The following HIBADH variants were observed in gnomAD, a reference collection of about 807,000 sequenced individuals.
HIBADH encodes 3-hydroxyisobutyrate dehydrogenase, mitochondrial.
In HIBADH, 25 loss-of-function variants were observed where a neutral mutation model predicts 36.1. The observed-to-expected ratio is 0.69, with a 90% CI of 0.50 to 0.97. The LOEUF is 0.97. HIBADH is among the 50% of genes least tolerant of loss of function. The probability of loss-of-function intolerance (pLI) is 0.00; values close to 1 mark genes in which losing one functional copy is unlikely to be tolerated. For synonymous variants in HIBADH, 160 were observed against 149.5 expected (o/e 1.07, Z -0.51); for missense variants, 421 against 418.0 (o/e 1.01, Z -0.06).
chr7:27,659,922 G>A (rs1008984318), intron 1 of HIBADH, among the ~76,000 whole-genome samples: 2 of 152,066 alleles, frequency 1.3e-5, no homozygotes, highest in African/African-American at 2.4e-5. Context: ...GCTAGGTATC[G>A]TGGTGCACCC....
intron 4 of HIBADH, among the ~76,000 whole-genome samples, chr7:27,580,421 A>T (rs1784771002): frequency 6.6e-6 from 1 of 152,220 alleles, no homozygotes; most frequent in East Asian, 1.9e-4. Context: ...AACAACAAAA[A>T]TCCAGATAAC....
intron 2 of HIBADH, among the ~76,000 whole-genome samples, chr7:27,639,788 AAAT>A (rs1785927491): frequency 6.6e-6 from 1 of 152,220 alleles, no homozygotes; most frequent in Non-Finnish European, 1.5e-5. Context: ...AAATGACCAC[AAAT>A]AACAAGTTCA....
intron 1 of HIBADH, among the ~76,000 whole-genome samples, chr7:27,659,910 T>C (rs1182626054): frequency 6.6e-6 from 1 of 152,076 alleles, no homozygotes; most frequent in African/African-American, 2.4e-5. Context: ...TTTTTTAAAT[T>C]AGCTAGGTAT....
At position 27,662,790 on chromosome 7, in the gene HIBADH, C is replaced by A; in HGVS notation, c.-2G>T. On this transcript the variant is annotated 5_prime_UTR_variant, in exon 1 of 8. Coordinates refer to ENST00000265395, the MANE Select transcript of HIBADH (RefSeq NM_152740.4). ...GAGGAGCCGTAAGGAGGCTGCCATG[C>A]TGCGCCCGCCCCTCTCCCCGCGGTG... The A allele has an allele frequency of 3.4e-6, 5 of 1,465,920 alleles. No individual in the cohort carries two copies. The highest frequency in any genetic ancestry group is 3.6e-6 in the Non-Finnish European group (4 of 1,107,446). The allele number at this position is 1,465,920 out of a possible 1,614,324, so 90.8% of individuals were successfully genotyped here.
intron 4 of HIBADH, among the ~76,000 whole-genome samples, chr7:27,550,320 T>C (rs987894129): frequency 5.9e-5 from 9 of 152,214 alleles, no homozygotes; most frequent in African/African-American, 1.9e-4. Context: ...CATAACTCAC[T>C]GTACCCTCTC....
intron 2 of HIBADH, among the ~76,000 whole-genome samples, chr7:27,636,992 A>G (rs1364693787): frequency 1.3e-5 from 2 of 152,214 alleles, no homozygotes; most frequent in East Asian, 1.9e-4. Flanking sequence ...AAATACATCT[A>G]TTATTCTCTT....
chr7:27,626,813 C>A (rs148479417), intron 4 of HIBADH, among the ~76,000 whole-genome samples: 1 of 152,224 alleles, frequency 6.6e-6, no homozygotes, highest in Non-Finnish European at 1.5e-5. Context: ...ATCCATGATG[C>A]ATTTTTTAAA....
chr7:27,531,324 C>T lies in HIBADH; in HGVS notation c.720G>A (p.Leu240=), dbSNP rs1418921751. The T allele has an allele frequency of 1.2e-6, 2 of 1,612,962 alleles. No individual in the cohort carries two copies. The highest frequency in any genetic ancestry group is 1.7e-5 in the Admixed American group (1 of 59,904). ...CTGAGCTCATATTTAGGATTTTAGC[C>T]AGTAGTTTTGGGTCAAGCCCTAACC... is the stretch of plus-strand genomic sequence containing the variant. ...GIRLGLDPKL[L]AKILNMSSGR... Residue 240 remains leucine, a synonymous_variant, in exon 7 of 8, where the codon CTG becomes CTA. Transcript: ENST00000265395.
At chr7:27,629,280 A>T (rs1205562377) in intron 4 of HIBADH, 91 bp downstream of exon 4, 15 of 1,243,124 alleles carry the variant, frequency 1.2e-5, no homozygotes, top group Non-Finnish European at 1.6e-5. Context: ...GTCTAAAAAT[A>T]ACTACTACAA....
At chr7:27,626,104 G>GAAAAAAAAAAAAA (rs70994672) in intron 4 of HIBADH, among the ~76,000 whole-genome samples, 4 of 72,502 alleles carry the variant, frequency 5.5e-5, no homozygotes, top group African/African-American at 1.6e-4. Flanking sequence ...CTCCGTCTCA[G>GAAAAAAAAAAAAA]AAAAAAAAAA....
At position 27,531,344 on chromosome 7, in the gene HIBADH, CT is replaced by C; in HGVS notation, c.699del (p.Asp236ThrfsTer9). On this transcript the variant is annotated frameshift_variant, in exon 7 of 8. Transcript: ENST00000265395. LOFTEE classifies it high-confidence loss of function. Reference sequence around the variant, plus strand: ...TTAGCCAGTAGTTTTGGGTCAAGCCCTAACCTGTCAAAGGTCAAAGAAAAGA... The same window carrying C: ...TTAGCCAGTAGTTTTGGGTCAAGCCCAACCTGTCAAAGGTCAAAGAAAAGA... ...TAEAMNLGIRLGLDPKLLAKI... is the reference protein window; with the variant it reads ...TAEAMNLGIRXGLDPKLLAKI... The C allele has an allele frequency of 6.2e-7, 1 of 1,607,642 alleles. No individual in the cohort carries two copies. Among genetic ancestry groups the C allele is most frequent in the Non-Finnish European group, 8.5e-7 (1 of 1,176,288 alleles).
At chr7:27,601,189 C>T (rs1006550719) in intron 4 of HIBADH, among the ~76,000 whole-genome samples, 12 of 152,024 alleles carry the variant, frequency 7.9e-5, no homozygotes, top group African/African-American at 2.9e-4. Flanking sequence ...TCACTGAGTT[C>T]TCTTCAAGAT....
chr7:27,637,693 T>C (rs192520616), intron 2 of HIBADH, among the ~76,000 whole-genome samples: 65 of 152,276 alleles, frequency 4.3e-4, no homozygotes, highest in Non-Finnish European at 5.1e-4. Flanking sequence ...GAAAACCCCA[T>C]AGTCTCAGCC....
At chr7:27,607,888 GTGTC>G (rs1380496611) in intron 4 of HIBADH, among the ~76,000 whole-genome samples, 4 of 152,094 alleles carry the variant, frequency 2.6e-5, no homozygotes, top group Non-Finnish European at 5.9e-5. Context: ...AACTATTTCA[GTGTC>G]TGCCAAGACT....
intron 4 of HIBADH, among the ~76,000 whole-genome samples, chr7:27,554,387 A>G (rs1784362388): frequency 6.6e-6 from 1 of 152,244 alleles, no homozygotes; most frequent in Non-Finnish European, 1.5e-5. Flanking sequence ...CGTGGTTTGT[A>G]ACATTTCTGT....
At chr7:27,581,255 A>T (rs1212967301) in intron 4 of HIBADH, among the ~76,000 whole-genome samples, 1 of 152,180 alleles carries the variant, frequency 6.6e-6, no homozygotes, top group Non-Finnish European at 1.5e-5. Flanking sequence ...GCCAATGCAG[A>T]GCAAATGAAC....
chr7:27,606,186 T>C (rs540088636), intron 4 of HIBADH, among the ~76,000 whole-genome samples: 3 of 152,346 alleles, frequency 2.0e-5, no homozygotes, highest in African/African-American at 4.8e-5. Flanking sequence ...GGGGGTAAGA[T>C]GGAGTAACCA....
At chr7:27,601,255 A>T (rs1364368136) in intron 4 of HIBADH, among the ~76,000 whole-genome samples, 1 of 152,118 alleles carries the variant, frequency 6.6e-6, no homozygotes, top group Non-Finnish European at 1.5e-5. Flanking sequence ...AGTTGTTGGA[A>T]CAGATTTCTT....
At chr7:27,592,250 T>G (rs1178353541) in intron 4 of HIBADH, among the ~76,000 whole-genome samples, 3 of 152,232 alleles carry the variant, frequency 2.0e-5, no homozygotes, top group Admixed American at 6.5e-5. Flanking sequence ...CTGTCTCACC[T>G]AATACATTAT....
Sources: allele counts gnomAD v4.1 joint callset (sites outside exome capture counted in the v4.1 genomes callset), GRCh38; gene constraint gnomAD v4.1.1; transcripts MANE v1.5; gene names NCBI Gene and HGNC (gene_info 2026-07-23, HGNC 2026-07-21).